NKAIN2: variants seen among roughly 807,000 people sequenced by gnomAD.
NKAIN2 encodes sodium/potassium-transporting ATPase subunit beta-1-interacting protein 2.
Under a neutral mutation model 32.6 loss-of-function variants are expected in NKAIN2, and 14 were observed. The ratio of observed to expected loss-of-function variants is 0.43; its 90% CI spans 0.28 to 0.67. The LOEUF is 0.67. Among genes scored for constraint, NKAIN2 ranks in the 30% least tolerant of loss-of-function variants. The pLI, the probability that NKAIN2 is intolerant of heterozygous loss-of-function variation, is 0.17. For synonymous variants in NKAIN2, 80 were observed against 87.2 expected (o/e 0.92, Z 0.46); for missense variants, 198 against 258.3 (o/e 0.77, Z 1.60).
chr6:124,308,895 T>C (rs1796613185), intron 2 of NKAIN2, among the ~76,000 whole-genome samples: 1 of 152,180 alleles, frequency 6.6e-6, no homozygotes, highest in African/African-American at 2.4e-5. Context: ...CCAAAGGATT[T>C]AAAATGGTAC....
At chr6:124,812,255 C>T (rs1247097149) in intron 5 of NKAIN2, among the ~76,000 whole-genome samples, 1 of 152,162 alleles carries the variant, frequency 6.6e-6, no homozygotes, top group Non-Finnish European at 1.5e-5. Context: ...AAAGTCTTCT[C>T]TTTATTATCA....
intron 1 of NKAIN2, among the ~76,000 whole-genome samples, chr6:124,120,346 C>A (rs991810115): frequency 6.6e-6 from 1 of 151,986 alleles, no homozygotes; most frequent in Non-Finnish European, 1.5e-5. Flanking sequence ...AAATGGTATC[C>A]ACCAATTACC....
chr6:124,805,029 G>C (rs1582553801), intron 5 of NKAIN2, among the ~76,000 whole-genome samples: 1 of 152,212 alleles, frequency 6.6e-6, no homozygotes, highest in African/African-American at 2.4e-5. Flanking sequence ...GCTCAAGGAG[G>C]CCTGCCTGCC....
rs137959627 is a variant in NKAIN2 at position 123,892,572 on chromosome 6, T to C, written c.54+88318T>C. 1.4e-4 allele frequency among the ~76,000 whole-genome samples: 22 copies of C among 152,120 alleles called. No individual in the cohort carries two copies. The East Asian group carries it at 2.3e-3, about 16-fold the overall frequency. Reference sequence around the variant, plus strand: ...CAACCTTGACACGTGGGGATTATTATAATTCAAAATGAGATTTGGGTGGGG... The same window carrying C: ...CAACCTTGACACGTGGGGATTATTACAATTCAAAATGAGATTTGGGTGGGG... On this transcript the variant is annotated intron_variant, in intron 1 of 6. Coordinates refer to ENST00000368417, the MANE Select transcript of NKAIN2 (RefSeq NM_001040214.3).
intron 1 of NKAIN2, among the ~76,000 whole-genome samples, chr6:124,190,461 A>G (rs1789960084): frequency 6.6e-6 from 1 of 152,224 alleles, no homozygotes; most frequent in Non-Finnish European, 1.5e-5. Context: ...TATTTAAAAC[A>G]TGCTGGAATT....
chr6:123,985,203 C>A (rs1235196353), intron 1 of NKAIN2, among the ~76,000 whole-genome samples: 1 of 152,038 alleles, frequency 6.6e-6, no homozygotes, highest in African/African-American at 2.4e-5. Context: ...AGTTTGAGAC[C>A]AGCTGGCCAA....
chr6:124,563,155 T>C (rs1329372668), intron 3 of NKAIN2, among the ~76,000 whole-genome samples: 3 of 151,984 alleles, frequency 2.0e-5, no homozygotes, highest in African/African-American at 4.8e-5. Context: ...CTGCCCCCCT[T>C]GGCCTCCCAA....
intron 3 of NKAIN2, among the ~76,000 whole-genome samples, chr6:124,573,802 C>T (rs1254147333): frequency 6.6e-6 from 1 of 152,236 alleles, no homozygotes; most frequent in African/African-American, 2.4e-5. Flanking sequence ...ACGTTAAAAT[C>T]TCCTTTTAGG....
chr6:124,611,584 G>A (rs370586665), intron 3 of NKAIN2, among the ~76,000 whole-genome samples: 1 of 152,070 alleles, frequency 6.6e-6, no homozygotes, highest in East Asian at 1.9e-4. Flanking sequence ...CTGTCCATGT[G>A]TTCTCGTTGC....
intron 4 of NKAIN2, among the ~76,000 whole-genome samples, chr6:124,695,215 G>A (rs1774442865): frequency 6.6e-6 from 1 of 150,604 alleles, no homozygotes; most frequent in Non-Finnish European, 1.5e-5. Context: ...TTTTCAATAT[G>A]GATGATACCT....
chr6:123,895,286 C>T (rs924044386), intron 1 of NKAIN2, among the ~76,000 whole-genome samples: 1 of 152,060 alleles, frequency 6.6e-6, no homozygotes, highest in African/African-American at 2.4e-5. Context: ...TTGTGGTTCT[C>T]TTTGCCCATA....
At chr6:124,053,717 G>C (rs1434651831) in intron 1 of NKAIN2, among the ~76,000 whole-genome samples, 1 of 152,012 alleles carries the variant, frequency 6.6e-6, no homozygotes, top group Non-Finnish European at 1.5e-5. Flanking sequence ...CTGTGGTAAT[G>C]TTTGAAATGG....
At chr6:124,323,350 C>G (rs1188719772) in intron 2 of NKAIN2, among the ~76,000 whole-genome samples, 3 of 152,136 alleles carry the variant, frequency 2.0e-5, no homozygotes, top group Non-Finnish European at 4.4e-5. Context: ...CTGCCAACTA[C>G]TCATTCTCAA....
chr6:124,361,265 A>G (rs897177590), intron 3 of NKAIN2, among the ~76,000 whole-genome samples: 2 of 152,068 alleles, frequency 1.3e-5, no homozygotes, highest in Non-Finnish European at 2.9e-5. Flanking sequence ...ATTGTCCGTA[A>G]AAACCTATAT....
At chr6:123,910,593 T>G (rs1281737644) in intron 1 of NKAIN2, among the ~76,000 whole-genome samples, 1 of 136,706 alleles carries the variant, frequency 7.3e-6, no homozygotes, top group Non-Finnish European at 1.5e-5. Flanking sequence ...AACCTCCGCC[T>G]CTCAGGTTCA....
At chr6:124,771,529 G>A (rs757357274) in intron 4 of NKAIN2, among the ~76,000 whole-genome samples, 37 of 152,232 alleles carry the variant, frequency 2.4e-4, no homozygotes, top group Non-Finnish European at 4.3e-4. Flanking sequence ...TATTGTCATT[G>A]TAAGACGATA....
chr6:123,927,590 A>G (rs1375493262), intron 1 of NKAIN2, among the ~76,000 whole-genome samples: 1 of 152,234 alleles, frequency 6.6e-6, no homozygotes, highest in African/African-American at 2.4e-5. Context: ...TTGTTTTAAC[A>G]GACCAAAAGA....
At chr6:123,840,382 T>A (rs1335643292) in intron 1 of NKAIN2, among the ~76,000 whole-genome samples, 2 of 152,100 alleles carry the variant, frequency 1.3e-5, no homozygotes, top group African/African-American at 4.8e-5. Flanking sequence ...CAGTTTTTCC[T>A]TTTAATCAAA....
chr6:123,876,538 T>C (rs1460806964), intron 1 of NKAIN2, among the ~76,000 whole-genome samples: 2 of 152,114 alleles, frequency 1.3e-5, no homozygotes, highest in Non-Finnish European at 2.9e-5. Context: ...GTCTGCAAGC[T>C]AGAGACCCAG....
Sources: allele counts gnomAD v4.1 joint callset (sites outside exome capture counted in the v4.1 genomes callset), GRCh38; gene constraint gnomAD v4.1.1; transcripts MANE v1.5; gene names NCBI Gene and HGNC (gene_info 2026-07-23, HGNC 2026-07-21).